Variants in REM1 observed in about 807,000 individuals in gnomAD.
REM1 encodes the protein RRAD and GEM like GTPase 1.
Under a neutral mutation model 27.0 loss-of-function variants are expected in REM1, and 20 were observed. That is an observed-to-expected ratio of 0.74 (90% CI 0.52 to 1.08). The LOEUF (loss-of-function observed/expected upper bound fraction) is 1.08. Ranked by LOEUF, REM1 falls within the 50% of genes least tolerant of loss-of-function variation. The probability of loss-of-function intolerance (pLI) is 0.00; values close to 1 mark genes in which losing one functional copy is unlikely to be tolerated. For synonymous variants in REM1, 159 were observed against 167.9 expected (o/e 0.95, Z 0.41); for missense variants, 405 against 407.0 (o/e 1.00, Z 0.04).
At chr20:31,480,244 TACAC>T (rs11468513) in intron 3 of REM1, among the ~76,000 whole-genome samples, 5,041 of 61,316 alleles carry the variant, frequency 0.082, 248 homozygotes, top group African/African-American at 0.34. Flanking sequence ...GATACATACA[TACAC>T]ACATACATAC....
intron 2 of REM1, among the ~76,000 whole-genome samples, chr20:31,477,234 G>A (rs1980545766): frequency 6.6e-6 from 1 of 152,052 alleles, no homozygotes; most frequent in Non-Finnish European, 1.5e-5. Context: ...GAGACTCCGA[G>A]ACCCCAAGTT....
At position 31,484,149 on chromosome 20, in the gene REM1, G is replaced by GC. The variant is rs759628297; in HGVS notation, c.626-5dup. On this transcript the variant is annotated splice_polypyrimidine_tract_variant and intron_variant, in intron 4 of 4. Transcript: ENST00000201979. ...GCTCCACCCCTCCTCGCCGGGCCCC[G>GC]CCCCCTTAGAGGGCCGCGCCTGCGC... is the stretch of plus-strand genomic sequence containing the variant. 1.9e-6 allele frequency: 3 copies of GC among 1,559,340 alleles called. No individual in the cohort carries two copies. Among genetic ancestry groups the GC allele is most frequent in the East Asian group, 2.3e-5 (1 of 42,692 alleles).
At chr20:31,477,726 C>A in intron 2 of REM1, 102 bp from the exon 3 acceptor site, 2 of 798,606 alleles carry the variant, frequency 2.5e-6, no homozygotes, top group Non-Finnish European at 4.2e-6. Flanking sequence ...TTTCCGAGGA[C>A]AAGTGGAGGG....
At chr20:31,476,974 A>G (rs1055285528) in intron 2 of REM1, among the ~76,000 whole-genome samples, 189 bp downstream of exon 2, 1 of 152,216 alleles carries the variant, frequency 6.6e-6, no homozygotes, top group Non-Finnish European at 1.5e-5. Context: ...CAGCCTGCAC[A>G]ATGGTCAAGG....
At position 31,477,827 on chromosome 20, in the gene REM1, G is replaced by A; in HGVS notation, c.341-1G>A. ...AGATCCAGCTCTTCCCTCGGTTGCA[G>A]AAGATGTATATGAGAGGACCCTCAC... On this transcript the variant is annotated splice_acceptor_variant, in intron 2 of 4. Coordinates refer to ENST00000201979, the MANE Select transcript of REM1 (RefSeq NM_014012.6). LOFTEE classifies it high-confidence loss of function. 6.2e-7 allele frequency: 1 copy of A among 1,611,852 alleles called. No homozygotes were observed. The highest frequency in any genetic ancestry group is 1.1e-5 in the South Asian group (1 of 90,612).
chr20:31,482,034 A>G (rs1396012124), intron 3 of REM1, among the ~76,000 whole-genome samples: 1 of 152,200 alleles, frequency 6.6e-6, no homozygotes, highest in Admixed American at 6.5e-5. Flanking sequence ...CAGCCTGCAA[A>G]AGTATCAGTG....
At chr20:31,481,202 G>A (rs1228487625) in intron 3 of REM1, among the ~76,000 whole-genome samples, 2 of 152,138 alleles carry the variant, frequency 1.3e-5, no homozygotes, top group Non-Finnish European at 2.9e-5. Flanking sequence ...GAACCTGGGA[G>A]GTGGAGGTTG....
chr20:31,477,856 G>A lies in REM1; in HGVS notation c.369G>A (p.Val123=). 6.2e-7 allele frequency: 1 copy of A among 1,613,214 alleles called. No individual in the cohort carries two copies. The highest frequency in any genetic ancestry group is 8.5e-7 in the Non-Finnish European group (1 of 1,179,808). Residue 123 remains valine, a synonymous_variant, in exon 3 of 5, where the codon GTG becomes GTA. Coordinates refer to ENST00000201979, the MANE Select transcript of REM1 (RefSeq NM_014012.6). ...GEDVYERTLT[V]DGEDTTLVVV... is the part of the protein sequence containing the mutation. Reference sequence around the variant, plus strand: ...ATGTATATGAGAGGACCCTCACGGTGGATGGAGAAGACACCACACTGGTGG... The same window carrying A: ...ATGTATATGAGAGGACCCTCACGGTAGATGGAGAAGACACCACACTGGTGG...
At chr20:31,478,504 G>A (rs1401696826) in intron 3 of REM1, among the ~76,000 whole-genome samples, 2 of 152,172 alleles carry the variant, frequency 1.3e-5, no homozygotes, top group Non-Finnish European at 2.9e-5. Flanking sequence ...GGAAATCAGG[G>A]CAGGAAGACA....
chr20:31,477,792 G>C, intron 2 of REM1, 36 bp from the exon 3 acceptor site: 3 of 1,560,776 alleles, frequency 1.9e-6, no homozygotes, highest in Non-Finnish European at 2.6e-6. Flanking sequence ...AGGCTTGCCC[G>C]TCCTCCCTGA....
intron 3 of REM1, among the ~76,000 whole-genome samples, chr20:31,480,831 C>A (rs949004020): frequency 2.6e-5 from 4 of 152,136 alleles, no homozygotes; most frequent in African/African-American, 9.7e-5. Context: ...GGTTGAGAAC[C>A]CACATCTGTC....
At chr20:31,483,092 G>A (rs1980789543) in intron 4 of REM1, among the ~76,000 whole-genome samples, 1 of 152,164 alleles carries the variant, frequency 6.6e-6, no homozygotes, top group South Asian at 2.1e-4. Context: ...TTGAGATCAG[G>A]AGTTCAAGAC....
chr20:31,477,597 C>T (rs541933717), intron 2 of REM1, among the ~76,000 whole-genome samples: 2 of 152,220 alleles, frequency 1.3e-5, no homozygotes, highest in Admixed American at 1.3e-4. Context: ...ACCCCACCAC[C>T]CCACCTTCAT....
Position 31,484,301 on chromosome 20 carries a change from A to G in REM1, c.768A>G (p.Pro256=). The change falls in exon 5 of 5, where the codon CCA becomes CCG. Residue 256 remains proline, a synonymous_variant. Transcript: ENST00000201979. ...GGGACAGTGCGGCCAAGGAACCCCC[A>G]GCACCCCGACGGCCGGCCAGCCTAG... is the stretch of plus-strand genomic sequence containing the variant. ...RRRDSAAKEP[P]APRRPASLAQ... 6.3e-7 allele frequency: 1 copy of G among 1,584,940 alleles called. No homozygotes were observed. The highest frequency in any genetic ancestry group is 8.6e-7 in the Non-Finnish European group (1 of 1,166,682).
chr20:31,478,677 G>T (rs560718063), intron 3 of REM1, among the ~76,000 whole-genome samples: 1 of 152,100 alleles, frequency 6.6e-6, no homozygotes, highest in Non-Finnish European at 1.5e-5. Flanking sequence ...TAGGGGATAG[G>T]CTGCTCAAAA....
At chr20:31,481,697 G>A (rs893815864) in intron 3 of REM1, among the ~76,000 whole-genome samples, 4 of 152,176 alleles carry the variant, frequency 2.6e-5, no homozygotes, top group Non-Finnish European at 5.9e-5. Context: ...AAGCACTGCA[G>A]TTCTTTCTTT....
In REM1 at chr20:31,476,429, A is replaced by ACC. The variant is rs201389128; in HGVS notation, c.-10_-9dup. ...TCAGAAGGAAAGAAGGAAGAAGCAAACCCCCCCCTACCAAAGATGACACTC... is the reference window on the plus strand; with the variant it reads ...TCAGAAGGAAAGAAGGAAGAAGCAAACCCCCCCCCCTACCAAAGATGACACTC... On this transcript the variant is annotated 5_prime_UTR_variant, in exon 2 of 5. Transcript: ENST00000201979. 1.8e-5 allele frequency: 27 copies of ACC among 1,507,170 alleles called. No individual in the cohort carries two copies. Among genetic ancestry groups the ACC allele is most frequent in the Non-Finnish European group, 2.3e-5 (26 of 1,119,672 alleles). The allele number at this position is 1,507,170 out of a possible 1,614,324, so 93.4% of individuals were successfully genotyped here.
At chr20:31,477,472 C>T (rs1412808729) in intron 2 of REM1, among the ~76,000 whole-genome samples, 1 of 152,140 alleles carries the variant, frequency 6.6e-6, no homozygotes, top group Non-Finnish European at 1.5e-5. Flanking sequence ...CGAGTGAGAA[C>T]ACATATGTGT....
rs1342525205 is a variant in REM1, at chr20:31,476,464, C to G, written c.19C>G (p.Gln7Glu). 1 of 1,594,064 alleles carries G rather than the reference C, an allele frequency of 6.3e-7. No homozygotes were observed. Among genetic ancestry groups the G allele is most frequent in the Non-Finnish European group, 8.5e-7 (1 of 1,170,232 alleles). ...ACCAAAGATGACACTCAACACCGAGCAGGAAGCAAAGACCCCTCTGCACCG... is the reference window on the plus strand; with the variant it reads ...ACCAAAGATGACACTCAACACCGAGGAGGAAGCAAAGACCCCTCTGCACCG... MTLNTE[Q>E]EAKTPLHRRA... Residue 7 changes from glutamine to glutamate, a missense_variant, in exon 2 of 5, where the codon CAG becomes GAG. Gln to Glu is a conservative substitution (Grantham distance 29, BLOSUM62 2). Coordinates refer to ENST00000201979, the MANE Select transcript of REM1 (RefSeq NM_014012.6).
Sources: allele counts gnomAD v4.1 joint callset (sites outside exome capture counted in the v4.1 genomes callset), GRCh38; gene constraint gnomAD v4.1.1; transcripts MANE v1.5; gene names NCBI Gene and HGNC (gene_info 2026-07-23, HGNC 2026-07-21).